The following AGBL1 variants were observed in gnomAD, a reference collection of about 807,000 sequenced individuals.
AGBL1 encodes AGBL carboxypeptidase 1, also known as cytosolic carboxypeptidase 4.
In AGBL1, 130 loss-of-function variants were observed where a neutral mutation model predicts 118.9. That is an observed-to-expected ratio of 1.09 (90% CI 0.95 to 1.26). AGBL1 has a LOEUF of 1.26. Ranked by LOEUF, AGBL1 falls within the 50% of genes most tolerant of loss-of-function variation. The probability of loss-of-function intolerance (pLI) is 0.00; values close to 1 mark genes in which losing one functional copy is unlikely to be tolerated. For synonymous variants in AGBL1, 555 were observed against 478.9 expected (o/e 1.16, Z -2.08); for missense variants, 1,584 against 1,298.1 (o/e 1.22, Z -3.38).
chr15:86,244,126 C>T (rs1263154986), intron 6 of AGBL1, among the ~76,000 whole-genome samples: 1 of 150,842 alleles, frequency 6.6e-6, no homozygotes, highest in East Asian at 1.9e-4. Flanking sequence ...TATTTAGAAA[C>T]TTAAAAAAAA....
chr15:86,640,465 C>T (rs2085172413), intron 21 of AGBL1, among the ~76,000 whole-genome samples: 1 of 152,086 alleles, frequency 6.6e-6, no homozygotes, highest in Non-Finnish European at 1.5e-5. Context: ...TACATGCATA[C>T]ATAGATTTGT....
chr15:86,536,528 C>G (rs2083428241), intron 19 of AGBL1, among the ~76,000 whole-genome samples: 1 of 152,126 alleles, frequency 6.6e-6, no homozygotes, highest in Non-Finnish European at 1.5e-5. Context: ...CTAGGATGGT[C>G]TCTATCTCTT....
intron 22 of AGBL1, among the ~76,000 whole-genome samples, chr15:86,816,222 C>T (rs575263804): frequency 9.9e-5 from 15 of 152,204 alleles, no homozygotes; most frequent in African/African-American, 2.9e-4. Context: ...AATAGAATGG[C>T]GAGGTCTTAT....
At chr15:86,204,270 C>T (rs988311708) in intron 5 of AGBL1, among the ~76,000 whole-genome samples, 1 of 152,182 alleles carries the variant, frequency 6.6e-6, no homozygotes, top group Non-Finnish European at 1.5e-5. Flanking sequence ...TTCATTGCCC[C>T]CTGTCCTTCC....
chr15:86,262,078 C>CTTGTTTTTTTTTTTTTTT (rs2078997178), intron 9 of AGBL1, among the ~76,000 whole-genome samples: 2 of 52,766 alleles, frequency 3.8e-5, no homozygotes, highest in Non-Finnish European at 7.1e-5. Context: ...GCATAGCTGG[C>CTTGTTTTTTTTTTTTTTT]TTTTTTTTTT....
At chr15:86,598,723 A>C (rs902642738) in intron 21 of AGBL1, among the ~76,000 whole-genome samples, 9 of 152,154 alleles carry the variant, frequency 5.9e-5, no homozygotes, top group African/African-American at 1.9e-4. Context: ...AATTTAAAAC[A>C]TGGCTGCACC....
At chr15:86,474,070 A>G (rs1363081464) in intron 18 of AGBL1, among the ~76,000 whole-genome samples, 1 of 152,176 alleles carries the variant, frequency 6.6e-6, no homozygotes, top group Non-Finnish European at 1.5e-5. Flanking sequence ...TTTGACACAC[A>G]CAAAAAATGA....
rs759746117 is a variant in AGBL1 at position 86,556,326 on chromosome 15, C to T, written c.2994+1789C>T. ...TTATCTTGTGAAATTTTCCAAATGG[C>T]TTTTGCATTGGGTCACTAGAAGGAA... On this transcript the variant is annotated intron_variant, in intron 21 of 22. Coordinates refer to ENST00000614907, the MANE Select transcript of AGBL1 (RefSeq NM_001386094.1). 6 of 1,533,266 alleles carry T rather than the reference C, an allele frequency of 3.9e-6. No individual in the cohort carries two copies. The South Asian group carries it at 5.7e-5, about 14-fold the overall frequency. The allele number at this position is 1,533,266 out of a possible 1,614,324, so 95.0% of individuals were successfully genotyped here.
intron 21 of AGBL1, among the ~76,000 whole-genome samples, chr15:86,561,300 T>A (rs1009355835): frequency 2.0e-5 from 3 of 152,248 alleles, no homozygotes; most frequent in African/African-American, 7.2e-5. Context: ...GGTCTAACAT[T>A]TAAGTCTTTA....
intron 22 of AGBL1, among the ~76,000 whole-genome samples, chr15:86,717,066 T>C (rs760230403): frequency 7.2e-5 from 11 of 152,234 alleles, no homozygotes; most frequent in Non-Finnish European, 1.3e-4. Flanking sequence ...ATATGGTAAG[T>C]GCTCAAATAT....
chr15:86,832,795 A>T (rs1163360400), intron 22 of AGBL1, among the ~76,000 whole-genome samples: 1 of 152,132 alleles, frequency 6.6e-6, no homozygotes, highest in Non-Finnish European at 1.5e-5. Context: ...CCCAGTTCCA[A>T]AGTCACTTCC....
chr15:86,716,632 C>CAGA (rs1439053415), intron 22 of AGBL1, among the ~76,000 whole-genome samples: 1 of 152,146 alleles, frequency 6.6e-6, no homozygotes, highest in Non-Finnish European at 1.5e-5. Context: ...ACTCAGCTTT[C>CAGA]AGATGTCAGA....
chr15:86,346,107 C>T (rs1013997884), intron 17 of AGBL1, among the ~76,000 whole-genome samples: 4 of 151,708 alleles, frequency 2.6e-5, no homozygotes, highest in South Asian at 4.2e-4. Context: ...CTCAGCCTCC[C>T]GAATAGCTGG....
chr15:86,627,052 A>G (rs145662805), intron 21 of AGBL1, among the ~76,000 whole-genome samples: 4,530 of 149,916 alleles, frequency 0.03, 225 homozygotes, highest in African/African-American at 0.099. Flanking sequence ...CCAGGCTGGA[A>G]TGCAATGGCG....
At position 86,142,077 on chromosome 15, in the gene AGBL1, C is replaced by T. The variant is rs1435175796; in HGVS notation, c.115+10C>T. 1 of 1,549,794 alleles carries T rather than the reference C, an allele frequency of 6.5e-7. No individual in the cohort carries two copies. The highest frequency in any genetic ancestry group is 8.7e-7 in the Non-Finnish European group (1 of 1,146,584). On this transcript the variant is annotated intron_variant, in intron 2 of 22. Coordinates refer to ENST00000614907, the MANE Select transcript of AGBL1 (RefSeq NM_001386094.1). ...GATCTGCTTTCTGTTGGTGAGTAGG[C>T]CATGCTCTCATGCTTTCATATGGCG...
chr15:86,101,121 T>A (rs1266803721), intron 1 of AGBL1, among the ~76,000 whole-genome samples: 1 of 152,146 alleles, frequency 6.6e-6, no homozygotes, highest in East Asian at 1.9e-4. Context: ...CTTCCTTGAG[T>A]TAATAGTCAA....
At chr15:86,583,894 G>C (rs187917606) in intron 21 of AGBL1, among the ~76,000 whole-genome samples, 1 of 152,284 alleles carries the variant, frequency 6.6e-6, no homozygotes, top group Admixed American at 6.5e-5. Context: ...TGACTGGTGT[G>C]AGAAGGTATT....
chr15:86,464,561 A>G (rs2082375794), intron 18 of AGBL1, among the ~76,000 whole-genome samples: 1 of 152,136 alleles, frequency 6.6e-6, no homozygotes, highest in Non-Finnish European at 1.5e-5. Flanking sequence ...ATTCAGTATG[A>G]TATTGGCTGT....
intron 17 of AGBL1, among the ~76,000 whole-genome samples, chr15:86,366,795 A>G (rs1020963718): frequency 3.9e-5 from 6 of 152,164 alleles, no homozygotes; most frequent in Admixed American, 1.3e-4. Context: ...GAAACAAACT[A>G]TATGATCTTG....
Sources: gnomAD v4.1 joint callset for allele counts (sites outside exome capture counted in the v4.1 genomes callset) on GRCh38, gnomAD v4.1.1 for gene constraint, MANE v1.5 for transcripts, NCBI Gene and HGNC (gene_info 2026-07-23, HGNC 2026-07-21) for gene names.